Variants in ZNF395 observed in about 807,000 individuals in gnomAD.
The protein encoded by ZNF395 is HD gene regulatory region-binding protein 2.
A neutral mutation model predicts 57.7 loss-of-function variants in ZNF395; 20 were observed. The ratio of observed to expected loss-of-function variants is 0.35; its 90% CI spans 0.24 to 0.50. The LOEUF is 0.50. Among genes scored for constraint, ZNF395 ranks in the 20% least tolerant of loss-of-function variants. The probability of loss-of-function intolerance (pLI) is 0.97; values close to 1 mark genes in which losing one functional copy is unlikely to be tolerated. For synonymous variants in ZNF395, 295 were observed against 275.9 expected (o/e 1.07, Z -0.69); for missense variants, 606 against 671.2 (o/e 0.90, Z 1.07).
chr8:28,379,950 T>C (rs1408058432), intron 1 of ZNF395, among the ~76,000 whole-genome samples: 1 of 152,198 alleles, frequency 6.6e-6, no homozygotes, highest in African/African-American at 2.4e-5. Flanking sequence ...TCTAAACACA[T>C]TGCTTTTTTA....
At chr8:28,348,977 C>T (rs1459023905) in intron 9 of ZNF395, 147 bp from the exon 10 acceptor site, 3 of 1,150,750 alleles carry the variant, frequency 2.6e-6, no homozygotes, top group Non-Finnish European at 2.5e-6. Flanking sequence ...CTCTGAGGAC[C>T]AAACAGTCAT....
intron 9 of ZNF395, 72 bp from the exon 10 acceptor site, chr8:28,348,902 G>A: frequency 2.0e-6 from 3 of 1,508,746 alleles, no homozygotes; most frequent in East Asian, 4.5e-5. Context: ...AAGTGGGGCT[G>A]GGAGAACAAG....
intron 3 of ZNF395, among the ~76,000 whole-genome samples, chr8:28,358,701 G>C (rs1801811861): frequency 6.6e-6 from 1 of 152,182 alleles, no homozygotes; most frequent in African/African-American, 2.4e-5. Context: ...TGGAGTTACA[G>C]GTGTGAGCCA....
intron 1 of ZNF395, chr8:28,385,293 G>A (rs1482735217): frequency 6.6e-6 from 1 of 152,488 alleles, no homozygotes; most frequent in Non-Finnish European, 1.5e-5. Flanking sequence ...GCTTCTTTAG[G>A]TCTCTGAGTC....
At chr8:28,357,905 A>C (rs2129953971) in intron 3 of ZNF395, among the ~76,000 whole-genome samples, 1 of 152,348 alleles carries the variant, frequency 6.6e-6, no homozygotes, top group Non-Finnish European at 1.5e-5. Context: ...ATCTTAAAAG[A>C]TCAATGTACA....
chr8:28,372,761 G>A (rs990587132), intron 1 of ZNF395, among the ~76,000 whole-genome samples: 2 of 152,210 alleles, frequency 1.3e-5, no homozygotes, highest in Non-Finnish European at 2.9e-5. Context: ...ATTCCAGCCT[G>A]AACAACAGAG....
intron 4 of ZNF395, among the ~76,000 whole-genome samples, chr8:28,355,508 T>C (rs1425833799): frequency 6.6e-6 from 1 of 152,124 alleles, no homozygotes; most frequent in East Asian, 1.9e-4. Flanking sequence ...ATCAGTGAGA[T>C]GCTTCTACGT....
At chr8:28,362,947 T>C (rs976467517) in intron 1 of ZNF395, among the ~76,000 whole-genome samples, 1 of 152,110 alleles carries the variant, frequency 6.6e-6, no homozygotes, top group Admixed American at 6.5e-5. Context: ...AAGGAAAAGG[T>C]TGGAGTCACA....
chr8:28,370,121 C>T (rs1446577736), intron 1 of ZNF395, among the ~76,000 whole-genome samples: 2 of 151,908 alleles, frequency 1.3e-5, no homozygotes, highest in Non-Finnish European at 2.9e-5. Flanking sequence ...AGAATGGAGC[C>T]CATGAGTTAG....
chr8:28,371,663 T>C lies in ZNF395; in HGVS notation c.-58-10481A>G, dbSNP rs377682450. On this transcript the variant is annotated intron_variant, in intron 1 of 9. Transcript: ENST00000344423. ...CATTATGACAGCAAAGAATCAAGCA[T>C]GGGATCCCCCAGGAGCAGGGCGACA... is the stretch of plus-strand genomic sequence containing the variant. Among the ~76,000 whole-genome samples the C allele has an allele frequency of 3.9e-5, 6 of 152,334 alleles. 1 individual carries two copies. The East Asian group carries it at 9.6e-4, about 24-fold the overall frequency.
At chr8:28,385,489 G>C (rs553967396) in intron 1 of ZNF395, 1 of 151,310 alleles carries the variant, frequency 6.6e-6, no homozygotes, top group South Asian at 2.1e-4. Context: ...GGGCGAGAGC[G>C]TGCGGGCAGA....
chr8:28,352,167 G>A lies in ZNF395; in HGVS notation c.921-360C>T, dbSNP rs935567821. Among the ~76,000 whole-genome samples, 2 of 152,162 alleles carry A rather than the reference G, an allele frequency of 1.3e-5. No homozygotes were observed. Among genetic ancestry groups the A allele is most frequent in the Admixed American group, 6.5e-5 (1 of 15,278 alleles). ...AGTCAGCTCCTACCACTAGCAGCCT[G>A]CAAACTCGCTCTGCACAGAACACGG... On this transcript the variant is annotated intron_variant, in intron 6 of 9. Transcript: ENST00000344423. This position sits in a 1 kb window ranked among gnomAD's most constrained non-coding sequence, Gnocchi z 4.0.
chr8:28,352,546 GGCTAGAGGCCCTGGGCTC>G lies in ZNF395; in HGVS notation c.920+9_920+26del. 6.2e-7 allele frequency: 1 copy of G among 1,607,562 alleles called. No homozygotes were observed. Among genetic ancestry groups the G allele is most frequent in the Non-Finnish European group, 8.5e-7 (1 of 1,174,540 alleles). On this transcript the variant is annotated intron_variant, in intron 6 of 9. Coordinates refer to ENST00000344423, the MANE Select transcript of ZNF395 (RefSeq NM_018660.3). The surrounding 1 kb of genome is among the most constrained non-coding windows in gnomAD (Gnocchi z 4.0). ...GGAGGGACACCCACACGCGACCCTA[GGCTAGAGGCCCTGGGCTC>G]GCACATACCCCAGATGGAGGGCTTT...
In ZNF395 at chr8:28,352,667, CAG is replaced by C. The variant is rs749012040; in HGVS notation, c.824_825del (p.Ser275CysfsTer38). 6.2e-7 allele frequency: 1 copy of C among 1,613,718 alleles called. No homozygotes were observed. The highest frequency in any genetic ancestry group is 8.5e-7 in the Non-Finnish European group (1 of 1,179,730). ...CACAGGCACTTGTACATCACCTTCA[CAG>C]AGTTCTACAGGAAAGGAAGACAGGG... ...DEPAPRKRKNSVKVMYKCLWP... is the reference protein window; with the variant it reads ...DEPAPRKRKNXVKVMYKCLWP... On this transcript the variant is annotated frameshift_variant, in exon 6 of 10. Coordinates refer to ENST00000344423, the MANE Select transcript of ZNF395 (RefSeq NM_018660.3). LOFTEE classifies it high-confidence loss of function. The surrounding 1 kb of genome is among the most constrained non-coding windows in gnomAD (Gnocchi z 4.0).
At chr8:28,386,160 T>C (rs1585869718) in intron 1 of ZNF395, 2 of 145,622 alleles carry the variant, frequency 1.4e-5, no homozygotes, top group South Asian at 4.2e-4. Flanking sequence ...CCGCCGAGGC[T>C]CGGTTGGCGC....
intron 1 of ZNF395, among the ~76,000 whole-genome samples, chr8:28,370,055 G>GA (rs1337328452): frequency 1.3e-5 from 2 of 152,180 alleles, no homozygotes; most frequent in South Asian, 2.1e-4. Context: ...TCAGGAAAAT[G>GA]AAAAAAACAT....
chr8:28,348,613 G>T lies in ZNF395; in HGVS notation c.*106C>A. 9.9e-7 allele frequency: 1 copy of T among 1,009,186 alleles called. No individual in the cohort carries two copies. The highest frequency in any genetic ancestry group is 1.6e-6 in the Non-Finnish European group (1 of 643,060). 62.5% of individuals were successfully genotyped at this position (1,009,186 alleles called of 1,614,324 possible). A position where few individuals can be genotyped will look rare whatever the true frequency, so the allele number is the denominator to read the frequency against. ...TTAGCCAACAGAGCCCAAACTCCGTGTTTCCGTTCTTTCTCTTTCGGTTTC... is the reference window on the plus strand; with the variant it reads ...TTAGCCAACAGAGCCCAAACTCCGTTTTTCCGTTCTTTCTCTTTCGGTTTC... On this transcript the variant is annotated 3_prime_UTR_variant, in exon 10 of 10. Coordinates refer to ENST00000344423, the MANE Select transcript of ZNF395 (RefSeq NM_018660.3).
chr8:28,366,176 A>G (rs1801908180), intron 1 of ZNF395, among the ~76,000 whole-genome samples: 1 of 152,192 alleles, frequency 6.6e-6, no homozygotes, highest in Non-Finnish European at 1.5e-5. Flanking sequence ...TACTTCTCTA[A>G]TGAATAATTT....
At chr8:28,370,296 G>C (rs1439477145) in intron 1 of ZNF395, among the ~76,000 whole-genome samples, 1 of 152,184 alleles carries the variant, frequency 6.6e-6, no homozygotes, top group Non-Finnish European at 1.5e-5. Flanking sequence ...CGAGAAGACA[G>C]GCACCATCGG....
Sources: allele counts gnomAD v4.1 joint callset (sites outside exome capture counted in the v4.1 genomes callset), GRCh38; gene constraint gnomAD v4.1.1; non-coding constraint Gnocchi (gnomAD v3.1); transcripts MANE v1.5; gene names NCBI Gene and HGNC (gene_info 2026-07-23, HGNC 2026-07-21).